The following SLC45A1 variants were observed in gnomAD, a reference collection of about 807,000 sequenced individuals.
SLC45A1 encodes the protein solute carrier family 45 member 1, also known as proton-associated sugar transporter A.
In SLC45A1, 28 loss-of-function variants were observed where a neutral mutation model predicts 57.6. The ratio of observed to expected loss-of-function variants is 0.49; its 90% CI spans 0.36 to 0.67. The LOEUF (loss-of-function observed/expected upper bound fraction) is 0.67, where lower values mean the gene tolerates loss of function less well. Ranked by LOEUF, SLC45A1 falls within the 30% of genes least tolerant of loss-of-function variation. The pLI, the probability that SLC45A1 is intolerant of heterozygous loss-of-function variation, is 0.00. For missense variants in SLC45A1, 814 were observed against 1,041.5 expected (o/e 0.78, Z 3.01); for synonymous variants, 459 against 471.5 (o/e 0.97, Z 0.34).
chr1:8,335,553 C>T lies in SLC45A1; in HGVS notation c.1560C>T (p.Pro520=), dbSNP rs370755113. 2.5e-6 allele frequency: 4 copies of T among 1,606,654 alleles called. No individual in the cohort carries two copies. Among genetic ancestry groups the T allele is most frequent in the African/African-American group, 2.7e-5 (2 of 74,898 alleles). The part of the protein sequence containing the change: ...GRLCSTICNM[P]KALRTLCVNH... ...TCTGCTCCACCATCTGCAACATGCCCAAGGCGCTACGCACCCTCTGCGTCA... is the reference window on the plus strand; with the variant it reads ...TCTGCTCCACCATCTGCAACATGCCTAAGGCGCTACGCACCCTCTGCGTCA... The change falls in exon 6 of 9, where the codon CCC becomes CCT. Residue 520 remains proline (P), a synonymous_variant. Transcript: ENST00000471889. This position sits in a 1 kb window ranked among gnomAD's most constrained non-coding sequence, Gnocchi z 4.1.
rs1453292919 is a variant in SLC45A1 at position 8,326,273 on chromosome 1, A to G, written c.715+231A>G. 6.6e-6 allele frequency among the ~76,000 whole-genome samples: 1 copy of G among 152,242 alleles called. No individual in the cohort carries two copies. The highest frequency in any genetic ancestry group is 1.5e-5 in the Non-Finnish European group (1 of 68,030). On this transcript the variant is annotated intron_variant, in intron 4 of 8. Coordinates refer to ENST00000471889, the MANE Select transcript of SLC45A1 (RefSeq NM_001080397.3). This position sits in a 1 kb window ranked among gnomAD's most constrained non-coding sequence, Gnocchi z 5.5. ...TATAGGTCTATAAATTCAAATGTTT[A>G]TATTCGTGGATTCTCATTGTTTGAG...
intron 5 of SLC45A1, among the ~76,000 whole-genome samples, chr1:8,332,934 C>T (rs935559679): frequency 1.3e-5 from 2 of 152,140 alleles, no homozygotes; most frequent in Non-Finnish European, 2.9e-5. Context: ...GTGGTGTTTC[C>T]GGTCCTACAA....
intron 1 of SLC45A1, among the ~76,000 whole-genome samples, chr1:8,320,961 G>A (rs921834710): frequency 1.3e-5 from 2 of 152,110 alleles, no homozygotes; most frequent in African/African-American, 2.4e-5. Context: ...ACCTTTGGGC[G>A]GAGTCCGATC....
rs1640193696 is a variant in SLC45A1, at chr1:8,326,045, G to A, written c.715+3G>A. On this transcript the variant is annotated splice_donor_region_variant and intron_variant, in intron 4 of 8. Transcript: ENST00000471889. The surrounding 1 kb of genome is among the most constrained non-coding windows in gnomAD (Gnocchi z 5.5). ...GAACATCCACGCCCTCCTGGCAGGT[G>A]AGTCTCCGCAGCAGGGCCGAAGCTG... is the stretch of plus-strand genomic sequence containing the variant. The A allele has an allele frequency of 6.2e-7, 1 of 1,600,122 alleles. No homozygotes were observed. Among genetic ancestry groups the A allele is most frequent in the Non-Finnish European group, 8.5e-7 (1 of 1,179,232 alleles).
rs1640752363 is a variant in SLC45A1 at position 8,339,762 on chromosome 1, C to A, written c.1980+64C>A. ...TGGAGAAACCCCACCTGAGAACTGT[C>A]CCCCAGGACCAGCTGCACAATCTGC... On this transcript the variant is annotated intron_variant, in intron 8 of 8. Transcript: ENST00000471889. 2.8e-6 allele frequency: 4 copies of A among 1,410,738 alleles called. No homozygotes were observed. The South Asian group carries it at 4.6e-5, about 16-fold the overall frequency. The allele number at this position is 1,410,738 out of a possible 1,614,324, so 87.4% of individuals were successfully genotyped here.
chr1:8,330,014 G>C lies in SLC45A1; in HGVS notation c.716-195G>C. 1 of 648,732 alleles carries C rather than the reference G, an allele frequency of 1.5e-6. No homozygotes were observed. The highest frequency in any genetic ancestry group is 2.6e-6 in the Non-Finnish European group (1 of 381,026). 40.2% of individuals were successfully genotyped at this position (648,732 alleles called of 1,614,324 possible). A position where few individuals can be genotyped will look rare whatever the true frequency, so the allele number is the denominator to read the frequency against. ...AAGGGCCCTGCAGGTGGCTGTGCAG[G>C]ACAGGAGGGGGACCTCCTCAAGGGG... On this transcript the variant is annotated intron_variant, in intron 4 of 8. Coordinates refer to ENST00000471889, the MANE Select transcript of SLC45A1 (RefSeq NM_001080397.3). This position sits in a 1 kb window ranked among gnomAD's most constrained non-coding sequence, Gnocchi z 8.4.
At position 8,344,144 on chromosome 1, in the gene SLC45A1, A is replaced by C. The variant is rs943481478; in HGVS notation, c.*131A>C. ...CTGGAATGTAAATATGTGATAAAAT[A>C]ATAAATGACAGCGGCAAAGCCTATG... On this transcript the variant is annotated 3_prime_UTR_variant, in exon 9 of 9. Transcript: ENST00000471889. The C allele has an allele frequency of 8.1e-6, 7 of 867,578 alleles. No individual in the cohort carries two copies. In the Admixed American group the frequency reaches 2.1e-4, roughly 26 times the overall value. 53.7% of individuals were successfully genotyped at this position (867,578 alleles called of 1,614,324 possible).
chr1:8,341,659 A>C (rs2124329529), intron 8 of SLC45A1, among the ~76,000 whole-genome samples: 1 of 151,720 alleles, frequency 6.6e-6, no homozygotes, highest in African/African-American at 2.4e-5. Flanking sequence ...GCAGTAGCTC[A>C]CGCCCGTAAT....
chr1:8,322,121 G>A (rs1640037062), intron 1 of SLC45A1, among the ~76,000 whole-genome samples: 1 of 138,744 alleles, frequency 7.2e-6, no homozygotes, highest in African/African-American at 2.8e-5. Context: ...ATTGGTGACT[G>A]AGTGGGTGGA....
intron 8 of SLC45A1, among the ~76,000 whole-genome samples, chr1:8,340,165 CTTTTT>C (rs113004016): frequency 7.0e-6 from 1 of 141,872 alleles, no homozygotes. Flanking sequence ...TTCTTTCTTT[CTTTTT>C]TTTTTTTTTT....
intron 6 of SLC45A1, 108 bp from the exon 7 acceptor site, chr1:8,337,708 A>G (rs1640664192): frequency 9.2e-6 from 10 of 1,086,784 alleles, no homozygotes; most frequent in African/African-American, 1.6e-5. Context: ...GTGAGCCACC[A>G]CGCCCAGCTG....
In SLC45A1 at chr1:8,324,470, A is replaced by G; in HGVS notation, c.141A>G (p.Lys47=). 1.9e-6 allele frequency: 3 copies of G among 1,612,280 alleles called. No individual in the cohort carries two copies. The South Asian group carries it at 3.3e-5, about 18-fold the overall frequency. The change falls in exon 2 of 9, where the codon AAA becomes AAG. Residue 47 remains lysine, a synonymous_variant. Transcript: ENST00000471889. ...TCAGTCACCGGGCCAACAACTTCAA[A>G]CGACACCCCAAGAGGAGGAAGTGCA... is the stretch of plus-strand genomic sequence containing the variant. The part of the protein sequence containing the change: ...RHLSHRANNF[K]RHPKRRKCIR...
rs753437408 is a variant in SLC45A1 at position 8,330,586 on chromosome 1, G to A, written c.1093G>A (p.Ala365Thr). ...DSSLTGISEF[A>T]SSFGTANIDS... is the part of the protein sequence containing the mutation. ...CTCCCTGACGGGCATCAGCGAGTTC[G>A]CCTCATCCTTTGGCACGGCCAACAT... The change falls in exon 5 of 9, where the codon GCC (alanine) becomes ACC (threonine). Residue 365 changes from alanine to threonine, a missense_variant. Physicochemically the swap from Ala to Thr is moderately conservative, Grantham distance 58. Transcript: ENST00000471889. The surrounding 1 kb of genome is among the most constrained non-coding windows in gnomAD (Gnocchi z 8.4). 12 of 1,613,436 alleles carry A rather than the reference G, an allele frequency of 7.4e-6. No individual in the cohort carries two copies. The highest frequency in any genetic ancestry group is 4.0e-5 in the African/African-American group (3 of 74,930).
At position 8,324,415 on chromosome 1, in the gene SLC45A1, C is replaced by A. The variant is rs376642457; in HGVS notation, c.86C>A (p.Thr29Lys). 6.2e-7 allele frequency: 1 copy of A among 1,612,712 alleles called. No individual in the cohort carries two copies. Among genetic ancestry groups the A allele is most frequent in the Admixed American group, 1.7e-5 (1 of 60,004 alleles). The change falls in exon 2 of 9, where the codon ACG (threonine) becomes AAG (lysine). Residue 29 changes from threonine to lysine, a missense_variant. Coordinates refer to ENST00000471889, the MANE Select transcript of SLC45A1 (RefSeq NM_001080397.3). ...APQDFWRSQV[T>K]GYSGSVTRHL... Reference sequence around the variant, plus strand: ...CAGGACTTCTGGAGGTCCCAGGTCACGGGCTACTCGGGGTCCGTGACACGA... The same window carrying A: ...CAGGACTTCTGGAGGTCCCAGGTCAAGGGCTACTCGGGGTCCGTGACACGA...
intron 8 of SLC45A1, among the ~76,000 whole-genome samples, chr1:8,342,909 AAAAG>A (rs1440882687): frequency 1.5e-4 from 23 of 151,322 alleles, no homozygotes; most frequent in African/African-American, 5.1e-4. Flanking sequence ...AAAAAAAAAA[AAAAG>A]AAAAGAGAAA....
In SLC45A1 at chr1:8,337,974, A is replaced by G. The variant is rs1569968474; in HGVS notation, c.1756A>G (p.Ser586Gly). 6.2e-7 allele frequency: 1 copy of G among 1,614,048 alleles called. No homozygotes were observed. Among genetic ancestry groups the G allele is most frequent in the East Asian group, 2.2e-5 (1 of 44,866 alleles). ...CTGGGGCATGTGTATCTACGCCTTCAGTGCTGCCTTCTACTCAGGTACCCG... is the reference window on the plus strand; with the variant it reads ...CTGGGGCATGTGTATCTACGCCTTCGGTGCTGCCTTCTACTCAGGTACCCG... ...GCWGMCIYAF[S>G]AAFYSAILEK... Residue 586 changes from serine to glycine, a missense_variant, in exon 7 of 9, where the codon AGT becomes GGT. By Grantham distance (56) the Ser-to-Gly change is moderately conservative. Coordinates refer to ENST00000471889, the MANE Select transcript of SLC45A1 (RefSeq NM_001080397.3).
chr1:8,329,583 T>C (rs547732533), intron 4 of SLC45A1, among the ~76,000 whole-genome samples: 1 of 152,352 alleles, frequency 6.6e-6, no homozygotes, highest in South Asian at 2.1e-4. Flanking sequence ...CCTGCCATGC[T>C]CTGTGGCCAG....
Position 8,328,263 on chromosome 1 carries a change from G to A in SLC45A1, c.716-1946G>A, listed in dbSNP as rs1320170062. 6.6e-6 allele frequency: 1 copy of A among 152,188 alleles called. No individual in the cohort carries two copies. The highest frequency in any genetic ancestry group is 1.5e-5 in the Non-Finnish European group (1 of 68,032). 9.4% of individuals were successfully genotyped at this position (152,188 alleles called of 1,614,324 possible). A position where few individuals can be genotyped will look rare whatever the true frequency, so the allele number is the denominator to read the frequency against. On this transcript the variant is annotated intron_variant, in intron 4 of 8. Coordinates refer to ENST00000471889, the MANE Select transcript of SLC45A1 (RefSeq NM_001080397.3). This position sits in a 1 kb window ranked among gnomAD's most constrained non-coding sequence, Gnocchi z 4.6. ...TAGGCCTTCATTACAGGACCCGAAT[G>A]AAGAGGCTGGGTCACCCAGTGGTTA...
intron 8 of SLC45A1, among the ~76,000 whole-genome samples, chr1:8,341,809 A>G (rs1294581362): frequency 6.6e-6 from 1 of 151,912 alleles, no homozygotes; most frequent in Non-Finnish European, 1.5e-5. Flanking sequence ...AATTCCAGCT[A>G]CTTGGGAGGC....
Sources: gnomAD v4.1 joint callset for allele counts (sites outside exome capture counted in the v4.1 genomes callset) on GRCh38, gnomAD v4.1.1 for gene constraint, Gnocchi (gnomAD v3.1) non-coding constraint, MANE v1.5 for transcripts, NCBI Gene and HGNC (gene_info 2026-07-23, HGNC 2026-07-21) for gene names.